AUTS2: variants seen among roughly 807,000 people sequenced by gnomAD.
AUTS2 encodes activator of transcription and developmental regulator AUTS2, also known as autism susceptibility gene 2 protein.
In AUTS2, 17 loss-of-function variants were observed where a neutral mutation model predicts 112.4. That is an observed-to-expected ratio of 0.15 (90% CI 0.10 to 0.23). AUTS2 has a LOEUF of 0.23. Among genes scored for constraint, AUTS2 ranks in the 10% least tolerant of loss-of-function variants. AUTS2 has a pLI of 1.00. For synonymous variants in AUTS2, 751 were observed against 702.7 expected (o/e 1.07, Z -1.09); for missense variants, 1,510 against 1,701.6 (o/e 0.89, Z 1.98).
chr7:70,239,900 G>A (rs1022031174), intron 4 of AUTS2, among the ~76,000 whole-genome samples: 2 of 152,178 alleles, frequency 1.3e-5, no homozygotes, highest in Non-Finnish European at 1.5e-5. Flanking sequence ...TCCTATTGCC[G>A]ATCGGGAAAG....
At chr7:70,588,480 G>A (rs1043068973) in intron 5 of AUTS2, among the ~76,000 whole-genome samples, 1 of 152,180 alleles carries the variant, frequency 6.6e-6, no homozygotes, top group Non-Finnish European at 1.5e-5. Flanking sequence ...TCCAGTTAGG[G>A]AAAAGAAACA....
intron 5 of AUTS2, among the ~76,000 whole-genome samples, chr7:70,671,439 C>A (rs1192045258): frequency 6.6e-6 from 1 of 152,198 alleles, no homozygotes; most frequent in Non-Finnish European, 1.5e-5. Flanking sequence ...TTGGGACTTG[C>A]TAAAATAGAA....
intron 1 of AUTS2, among the ~76,000 whole-genome samples, chr7:69,600,194 C>G (rs1004100656): frequency 6.6e-6 from 1 of 152,084 alleles, no homozygotes; most frequent in African/African-American, 2.4e-5. Flanking sequence ...TCGCCTTTCC[C>G]CTGCGCCCCC....
At chr7:69,872,813 G>C (rs1284393187) in intron 1 of AUTS2, among the ~76,000 whole-genome samples, 1 of 145,334 alleles carries the variant, frequency 6.9e-6, no homozygotes, top group Non-Finnish European at 1.5e-5. Context: ...ATTTGAGGTG[G>C]CACTTGATGT....
At chr7:70,671,065 G>A (rs545627280) in intron 5 of AUTS2, among the ~76,000 whole-genome samples, 8 of 152,288 alleles carry the variant, frequency 5.3e-5, no homozygotes, top group Non-Finnish European at 7.4e-5. Flanking sequence ...CCAGCTACTC[G>A]GGAGGCTGAG....
At chr7:70,517,928 T>C (rs1799485451) in intron 5 of AUTS2, among the ~76,000 whole-genome samples, 1 of 152,104 alleles carries the variant, frequency 6.6e-6, no homozygotes, top group Non-Finnish European at 1.5e-5. Flanking sequence ...GAAAAATACA[T>C]AAATGGAAGA....
intron 2 of AUTS2, among the ~76,000 whole-genome samples, chr7:69,901,075 C>T (rs771509696): frequency 6.6e-6 from 1 of 152,030 alleles, no homozygotes; most frequent in South Asian, 2.1e-4. Flanking sequence ...TCTCTAGTTC[C>T]GTGGTTTGTT....
intron 6 of AUTS2, among the ~76,000 whole-genome samples, chr7:70,706,566 A>G (rs1809749312): frequency 6.6e-6 from 1 of 152,130 alleles, no homozygotes; most frequent in African/African-American, 2.4e-5. Context: ...TGTTAATGCA[A>G]ATGGGATGGA....
chr7:70,642,888 G>A (rs996985980), intron 5 of AUTS2, among the ~76,000 whole-genome samples: 7 of 152,156 alleles, frequency 4.6e-5, no homozygotes, highest in East Asian at 1.9e-4. Flanking sequence ...GCCTCTGCCC[G>A]TTGATGGCAC....
intron 5 of AUTS2, among the ~76,000 whole-genome samples, chr7:70,535,303 T>C (rs574739965): frequency 7.3e-4 from 111 of 152,298 alleles, no homozygotes; most frequent in African/African-American, 2.3e-3. Context: ...TTGTCACTAA[T>C]ACCAAAGAAC....
chr7:70,429,375 G>A (rs898246041), intron 4 of AUTS2, among the ~76,000 whole-genome samples: 3 of 152,226 alleles, frequency 2.0e-5, no homozygotes, highest in Non-Finnish European at 2.9e-5. Flanking sequence ...AAGGGATGGA[G>A]ATAGAAGCAA....
At chr7:70,119,689 G>C (rs1805584170) in intron 3 of AUTS2, 2 of 151,952 alleles carry the variant, frequency 1.3e-5, no homozygotes, top group Non-Finnish European at 1.5e-5. Context: ...GTAGAGATGG[G>C]GTTTCTCCAT....
At chr7:69,654,361 C>G (rs1170526942) in intron 1 of AUTS2, among the ~76,000 whole-genome samples, 1 of 152,210 alleles carries the variant, frequency 6.6e-6, no homozygotes, top group African/African-American at 2.4e-5. Flanking sequence ...AAGGAGAGCA[C>G]AGGCCCTTTC....
At chr7:70,215,275 T>C (rs1314578062) in intron 4 of AUTS2, among the ~76,000 whole-genome samples, 2 of 152,174 alleles carry the variant, frequency 1.3e-5, no homozygotes, top group Non-Finnish European at 2.9e-5. Flanking sequence ...GTAAGACCCT[T>C]TCTCTAAAGA....
chr7:70,665,353 T>A (rs1326778664), intron 5 of AUTS2, among the ~76,000 whole-genome samples: 1 of 152,088 alleles, frequency 6.6e-6, no homozygotes, highest in Admixed American at 6.5e-5. Context: ...AGCCTCAACC[T>A]CCTGGGCGTA....
intron 6 of AUTS2, among the ~76,000 whole-genome samples, chr7:70,715,256 C>T (rs1262071759): frequency 2.0e-5 from 3 of 152,200 alleles, no homozygotes; most frequent in African/African-American, 7.2e-5. Flanking sequence ...TAAATCTAAC[C>T]TATGCTTTCA....
chr7:70,321,022 A>G (rs1310572051), intron 4 of AUTS2, among the ~76,000 whole-genome samples: 1 of 152,224 alleles, frequency 6.6e-6, no homozygotes, highest in Non-Finnish European at 1.5e-5. Flanking sequence ...TTGCTGGCGT[A>G]TCTTAACAAC....
At chr7:69,718,512 C>G (rs780357584) in intron 1 of AUTS2, among the ~76,000 whole-genome samples, 1 of 152,124 alleles carries the variant, frequency 6.6e-6, no homozygotes, top group Non-Finnish European at 1.5e-5. Context: ...AGATTGAGCC[C>G]TTCTTAAAAT....
At chr7:70,755,666 T>A (rs1434345016) in intron 6 of AUTS2, among the ~76,000 whole-genome samples, 1 of 151,076 alleles carries the variant, frequency 6.6e-6, no homozygotes, top group African/African-American at 2.4e-5. Context: ...TGAGACTCCA[T>A]CTCAAAAAAA....
Sources: gnomAD v4.1 joint callset for allele counts (sites outside exome capture counted in the v4.1 genomes callset) on GRCh38, gnomAD v4.1.1 for gene constraint, MANE v1.5 for transcripts, NCBI Gene and HGNC (gene_info 2026-07-23, HGNC 2026-07-21) for gene names.